Variants in ACO1 observed in about 807,000 individuals in gnomAD.
The protein encoded by ACO1 is aconitase 1, also known as cytoplasmic aconitate hydratase.
A neutral mutation model predicts 105.1 loss-of-function variants in ACO1; 78 were observed. The observed-to-expected ratio is 0.74, with a 90% CI of 0.62 to 0.90. The LOEUF is 0.90. Ranked by LOEUF, ACO1 falls within the 40% of genes least tolerant of loss-of-function variation. ACO1 has a pLI of 0.00. For synonymous variants in ACO1, 364 were observed against 397.4 expected (o/e 0.92, Z 1.00); for missense variants, 965 against 1,111.1 (o/e 0.87, Z 1.87).
At chr9:32,421,571 G>A (rs1346287918) in intron 8 of ACO1, among the ~76,000 whole-genome samples, 1 of 152,102 alleles carries the variant, frequency 6.6e-6, no homozygotes, top group Non-Finnish European at 1.5e-5. Context: ...ATGAGTCCAG[G>A]CATGGTGGCT....
intron 17 of ACO1, among the ~76,000 whole-genome samples, chr9:32,435,296 C>G (rs1822331216): frequency 6.6e-6 from 1 of 152,052 alleles, no homozygotes; most frequent in South Asian, 2.1e-4. Context: ...CAGTGATTCC[C>G]CAGAGCGAAT....
chr9:32,427,304 T>G lies in ACO1; in HGVS notation c.1352T>G (p.Leu451Trp). The G allele has an allele frequency of 6.2e-7, 1 of 1,614,124 alleles. No individual in the cohort carries two copies. Among genetic ancestry groups the G allele is most frequent in the Non-Finnish European group, 8.5e-7 (1 of 1,180,016 alleles). ...ATCTGTGTTTACCATTTCACAGGAT[T>G]GTTAGCAAAGAAAGCTGTGGATGCT... Reference protein sequence around the residue: ...SNPSVMLGAGLLAKKAVDAGL... With the variant: ...SNPSVMLGAGWLAKKAVDAGL... The change falls in exon 12 of 21, where the codon TTG (leucine) becomes TGG (tryptophan). Residue 451 changes from leucine (L) to tryptophan (W), a missense_variant. Transcript: ENST00000309951.
intron 15 of ACO1, among the ~76,000 whole-genome samples, chr9:32,433,392 C>G (rs1822283235): frequency 6.6e-6 from 1 of 151,850 alleles, no homozygotes; most frequent in African/African-American, 2.4e-5. Flanking sequence ...TGCCACCACA[C>G]CCAGACAATT....
Position 32,427,398 on chromosome 9 carries a change from A to G in ACO1, c.1446A>G (p.Leu482=), listed in dbSNP as rs35370505. Residue 482 remains leucine, a synonymous_variant, in exon 12 of 21, where the codon CTA becomes CTG. Coordinates refer to ENST00000309951, the MANE Select transcript of ACO1 (RefSeq NM_002197.3). ...GGAGTGGCGTGGTCACCTACTACCTACAAGAAAGCGGAGTCATGCCTTATC... is the reference window on the plus strand; with the variant it reads ...GGAGTGGCGTGGTCACCTACTACCTGCAAGAAAGCGGAGTCATGCCTTATC... ...SPGSGVVTYY[L]QESGVMPYLS... The G allele has an allele frequency of 0.01, 16,651 of 1,614,134 alleles. 1,010 individuals are homozygous for G. The African/African-American group carries it at 0.16, about 15-fold the overall frequency.
intron 19 of ACO1, among the ~76,000 whole-genome samples, chr9:32,447,567 T>G (rs2118582121): frequency 6.6e-6 from 1 of 152,314 alleles, no homozygotes; most frequent in African/African-American, 2.4e-5. Flanking sequence ...CCTGCTTCTG[T>G]CAATTTGTCA....
chr9:32,444,309 C>G (rs1191287933), intron 19 of ACO1, among the ~76,000 whole-genome samples: 1 of 152,130 alleles, frequency 6.6e-6, no homozygotes, highest in Admixed American at 6.5e-5. Context: ...CTTTATAGTA[C>G]AATGATTTAT....
intron 1 of ACO1, among the ~76,000 whole-genome samples, chr9:32,391,065 A>T (rs2118332396): frequency 6.6e-6 from 1 of 152,356 alleles, no homozygotes; most frequent in South Asian, 2.1e-4. Context: ...AGCTTACCAT[A>T]GGTAAGTCAA....
intron 1 of ACO1, among the ~76,000 whole-genome samples, chr9:32,404,991 C>T (rs996516202): frequency 6.6e-6 from 1 of 152,224 alleles, no homozygotes; most frequent in African/African-American, 2.4e-5. Flanking sequence ...GTAGCCTTTG[C>T]TGCCCATTCT....
rs754889146 is a variant in ACO1, at chr9:32,407,415, C to T, written c.252C>T (p.Ile84=). The T allele has an allele frequency of 2.2e-5, 36 of 1,613,222 alleles. No homozygotes were observed. Among genetic ancestry groups the T allele is most frequent in the Non-Finnish European group, 3.0e-5 (35 of 1,179,222 alleles). ...TGCCATTTAAGCCTGCTCGTGTCAT[C>T]CTGCAGGACTTTACGTGAGCCTAAT... ...IEVPFKPARV[I]LQDFTGVPAV... The change falls in exon 3 of 21, where the codon ATC becomes ATT. Residue 84 remains isoleucine (I), a synonymous_variant. Coordinates refer to ENST00000309951, the MANE Select transcript of ACO1 (RefSeq NM_002197.3).
chr9:32,436,031 T>C lies in ACO1; in HGVS notation c.2100-219T>C, dbSNP rs528904965. On this transcript the variant is annotated intron_variant, in intron 17 of 20. Transcript: ENST00000309951. ...TTGAAAGACAATTAACCCAGGAGAA[T>C]ACTGACTTATGCCTCTCACCACCCC... 9.9e-5 allele frequency: 68 copies of C among 686,050 alleles called. No homozygotes were observed. The South Asian group carries it at 1.0e-3, about 10-fold the overall frequency. The allele number at this position is 686,050 out of a possible 1,614,324, so 42.5% of individuals were successfully genotyped here.
chr9:32,408,072 T>G (rs1821653615), intron 3 of ACO1, among the ~76,000 whole-genome samples: 1 of 152,230 alleles, frequency 6.6e-6, no homozygotes, highest in Admixed American at 6.5e-5. Context: ...TCATTTAACA[T>G]GAATTTGATT....
rs1353648325 is a variant in ACO1, at chr9:32,453,122, G to A, written c.*3011G>A. ...CTGTTCTCCCTCCCATATTCTTTGC[G>A]AATGAAGATTCCCCTGTTTGTTTGG... On this transcript the variant is annotated 3_prime_UTR_variant, in exon 21 of 21. Transcript: ENST00000309951. 6.8e-6 allele frequency: 1 copy of A among 146,712 alleles called. No homozygotes were observed. Among genetic ancestry groups the A allele is most frequent in the Non-Finnish European group, 1.5e-5 (1 of 66,024 alleles). 9.1% of individuals were successfully genotyped at this position (146,712 alleles called of 1,614,324 possible).
At chr9:32,449,287 T>C (rs1384545593) in intron 20 of ACO1, among the ~76,000 whole-genome samples, 1 of 152,192 alleles carries the variant, frequency 6.6e-6, no homozygotes, top group East Asian at 1.9e-4. Flanking sequence ...CTCTGTTTAT[T>C]CACAGAGTTA....
intron 1 of ACO1, among the ~76,000 whole-genome samples, chr9:32,387,796 G>C (rs1331186010): frequency 6.6e-6 from 1 of 152,222 alleles, no homozygotes; most frequent in African/African-American, 2.4e-5. Flanking sequence ...AAGCATGGCT[G>C]TGTTCCAGTC....
At chr9:32,437,409 G>A (rs577159494) in intron 18 of ACO1, among the ~76,000 whole-genome samples, 3 of 147,370 alleles carry the variant, frequency 2.0e-5, no homozygotes, top group African/African-American at 8.1e-5. Flanking sequence ...ACACAAACTC[G>A]TTCTTTAGAA....
Position 32,440,515 on chromosome 9 carries a change from G to A in ACO1, c.2298G>A (p.Leu766=), listed in dbSNP as rs778284437. ...GGTACCAGCAGGCAGGCCTTCCCCT[G>A]ATCGTTCTGGCTGGCAAAGAGTACG... The part of the protein sequence containing the change: ...AERYQQAGLP[L]IVLAGKEYGA... The change falls in exon 19 of 21, where the codon CTG becomes CTA. Residue 766 remains leucine (L), a synonymous_variant. Transcript: ENST00000309951. The A allele has an allele frequency of 6.2e-7, 1 of 1,613,976 alleles. No individual in the cohort carries two copies. Among genetic ancestry groups the A allele is most frequent in the South Asian group, 1.1e-5 (1 of 91,066 alleles).
Position 32,416,452 on chromosome 9 carries a change from G to T in ACO1, c.405-1676G>T, listed in dbSNP as rs982100050. ...CTTCCGGTCCCTTTTTTCCCAAGGA[G>T]TGTCTGCCCATCTTGCTCGGGCTGA... On this transcript the variant is annotated intron_variant, in intron 4 of 20. Transcript: ENST00000309951. Among the ~76,000 whole-genome samples, 5 of 152,016 alleles carry T rather than the reference G, an allele frequency of 3.3e-5. 1 individual carries two copies. Among genetic ancestry groups the T allele is most frequent in the Admixed American group, 3.3e-4 (5 of 15,266 alleles).
chr9:32,425,438 G>T (rs1587540176), intron 10 of ACO1, among the ~76,000 whole-genome samples: 1 of 152,186 alleles, frequency 6.6e-6, no homozygotes, highest in African/African-American at 2.4e-5. Flanking sequence ...ATTTCCATAA[G>T]GTTAGAATCC....
At position 32,439,083 on chromosome 9, in the gene ACO1, G is replaced by C. The variant is rs114129683; in HGVS notation, c.2248-1382G>C. ...GTGTTTAATAGAAAAGTCAGGAGAC[G>C]TGAGTTCTAGACCTGCTTAGTCCCT... On this transcript the variant is annotated intron_variant, in intron 18 of 20. Transcript: ENST00000309951. The surrounding 1 kb of genome is among the most constrained non-coding windows in gnomAD (Gnocchi z 4.0). Among the ~76,000 whole-genome samples, 1 of 152,176 alleles carries C rather than the reference G, an allele frequency of 6.6e-6. No homozygotes were observed. Among genetic ancestry groups the C allele is most frequent in the Non-Finnish European group, 1.5e-5 (1 of 68,032 alleles).
Sources: gnomAD v4.1 joint callset for allele counts (sites outside exome capture counted in the v4.1 genomes callset) on GRCh38, gnomAD v4.1.1 for gene constraint, Gnocchi (gnomAD v3.1) non-coding constraint, MANE v1.5 for transcripts, NCBI Gene and HGNC (gene_info 2026-07-23, HGNC 2026-07-21) for gene names.